MLLT10: variants seen among roughly 807,000 people sequenced by gnomAD.
MLLT10 encodes MLLT10 histone lysine methyltransferase DOT1L cofactor, also known as protein AF-10.
In MLLT10, 30 loss-of-function variants were observed where a neutral mutation model predicts 129.1. The ratio of observed to expected loss-of-function variants is 0.23; its 90% CI spans 0.17 to 0.32. The LOEUF is 0.32. MLLT10 is among the 10% of genes least tolerant of loss of function. The pLI is 1.00. For synonymous variants in MLLT10, 490 were observed against 446.4 expected (o/e 1.10, Z -1.23); for missense variants, 1,119 against 1,268.3 (o/e 0.88, Z 1.79).
chr10:21,624,021 C>G (rs941514459), intron 8 of MLLT10, among the ~76,000 whole-genome samples: 1 of 151,816 alleles, frequency 6.6e-6, no homozygotes. Context: ...TGGCTTTTGA[C>G]GTTTAAGCCA....
At chr10:21,708,617 T>A in intron 13 of MLLT10, 1 of 985,390 alleles carries the variant, frequency 1.0e-6, no homozygotes, top group Non-Finnish European at 1.2e-6. Context: ...TGTTTCAAAG[T>A]GTGATTACTG....
chr10:21,692,649 T>A (rs975423292), intron 13 of MLLT10, among the ~76,000 whole-genome samples: 7 of 151,868 alleles, frequency 4.6e-5, no homozygotes. Flanking sequence ...CCAGTAATTT[T>A]TTTTTTTTTC....
rs541970999 is a variant in MLLT10, at chr10:21,725,789, C to T, written c.1879-455C>T. On this transcript the variant is annotated intron_variant, in intron 14 of 22. Coordinates refer to ENST00000307729, the MANE Select transcript of MLLT10 (RefSeq NM_001195626.3). The stretch of plus-strand genomic sequence containing the variant: ...TTTTTGAGACGGAGTCTCGCTCTGT[C>T]GCCCAGGCTGGAGTGCAGTGGCGTG... Among the ~76,000 whole-genome samples the T allele has an allele frequency of 6.3e-5, 9 of 143,630 alleles. 1 individual carries two copies. The highest frequency in any genetic ancestry group is 1.5e-4 in the African/African-American group (6 of 38,812). The allele number at this position is 143,630 out of a possible 152,430, so 94.2% of individuals were successfully genotyped here. A position where few individuals can be genotyped will look rare whatever the true frequency, so the allele number is the denominator to read the frequency against.
At chr10:21,689,439 A>G (rs2053601926) in intron 13 of MLLT10, among the ~76,000 whole-genome samples, 1 of 150,908 alleles carries the variant, frequency 6.6e-6, no homozygotes, top group Admixed American at 6.6e-5. Context: ...AATATGTAAA[A>G]TTTTGTTATT....
intron 13 of MLLT10, among the ~76,000 whole-genome samples, chr10:21,683,704 T>C (rs2052985732): frequency 6.6e-6 from 1 of 151,936 alleles, no homozygotes; most frequent in Non-Finnish European, 1.5e-5. Flanking sequence ...CACTGCCCCA[T>C]CCCCAACAGT....
chr10:21,723,613 T>G (rs550100396), intron 14 of MLLT10, among the ~76,000 whole-genome samples: 1 of 152,184 alleles, frequency 6.6e-6, no homozygotes, highest in Non-Finnish European at 1.5e-5. Flanking sequence ...CCTCAGTGTC[T>G]TCTTGGAGGA....
chr10:21,597,416 C>T (rs2043124575), intron 5 of MLLT10, among the ~76,000 whole-genome samples: 1 of 152,158 alleles, frequency 6.6e-6, no homozygotes, highest in Non-Finnish European at 1.5e-5. Flanking sequence ...GTCACCCAGG[C>T]TGGAGTGTAG....
chr10:21,742,090 A>C lies in MLLT10; in HGVS notation c.*107A>C. On this transcript the variant is annotated 3_prime_UTR_variant, in exon 23 of 23. Transcript: ENST00000307729. ...TATGAAGAAACGCAACAAGAAACTCAATGCACAACAAAGGATTAATTGCTG... is the reference window on the plus strand; with the variant it reads ...TATGAAGAAACGCAACAAGAAACTCCATGCACAACAAAGGATTAATTGCTG... The C allele has an allele frequency of 4.2e-6, 4 of 946,166 alleles. No homozygotes were observed. The East Asian group carries it at 7.5e-5, about 18-fold the overall frequency. 58.6% of individuals were successfully genotyped at this position (946,166 alleles called of 1,614,324 possible).
At chr10:21,741,254 A>G (rs2058807841) in intron 22 of MLLT10, among the ~76,000 whole-genome samples, 1 of 125,690 alleles carries the variant, frequency 8.0e-6, no homozygotes, top group Admixed American at 8.0e-5. Context: ...TTCTGTATTG[A>G]GTTCTTTGGT....
rs760972499 is a variant in MLLT10, at chr10:21,734,084, T to C, written c.2813T>C (p.Val938Ala). 9.3e-6 allele frequency: 15 copies of C among 1,613,590 alleles called. No individual in the cohort carries two copies. The highest frequency in any genetic ancestry group is 1.3e-5 in the Non-Finnish European group (15 of 1,179,784). ...QNPTPLTHTT[V>A]PPNATHPMPA... ...CCTACCCCTCTCACCCACACAACCG[T>C]ACCACCTAATGCAACACATCCAATG... The change falls in exon 20 of 23, where the codon GTA (valine) becomes GCA (alanine). Residue 938 changes from valine (V) to alanine (A), a missense_variant. By Grantham distance (64) the Val-to-Ala change is moderately conservative (BLOSUM62 0). Around this residue, in one of 5 missense-constraint regions of MLLT10, gnomAD observed 1,004 missense variants for 1,008.7 expected, o/e 1.00. Transcript: ENST00000307729.
intron 14 of MLLT10, among the ~76,000 whole-genome samples, chr10:21,714,456 T>A (rs1399724575): frequency 6.6e-6 from 1 of 152,214 alleles, no homozygotes; most frequent in Non-Finnish European, 1.5e-5. Context: ...TAATGATGAA[T>A]ATATAGGTTT....
At chr10:21,555,916 C>G (rs2037874712) in intron 3 of MLLT10, among the ~76,000 whole-genome samples, 1 of 151,504 alleles carries the variant, frequency 6.6e-6, no homozygotes. Flanking sequence ...ATCCACCTGC[C>G]TCCGTCTCCA....
intron 3 of MLLT10, among the ~76,000 whole-genome samples, chr10:21,570,503 T>G (rs556925910): frequency 5.9e-5 from 9 of 152,230 alleles, no homozygotes; most frequent in Non-Finnish European, 1.3e-4. Context: ...CTATATTATC[T>G]CCTGTTTTGT....
chr10:21,625,860 G>A (rs913697617), intron 8 of MLLT10: 25 of 778,462 alleles, frequency 3.2e-5, no homozygotes, highest in African/African-American at 1.9e-4. Context: ...ATGATAAGAC[G>A]TAGATCCCAA....
intron 8 of MLLT10, chr10:21,624,821 A>G: frequency 9.4e-7 from 1 of 1,065,444 alleles, no homozygotes; most frequent in South Asian, 1.4e-5. Context: ...CACGGGAACC[A>G]CGGCCACGGC....
chr10:21,593,195 A>T (rs182836954), intron 4 of MLLT10, among the ~76,000 whole-genome samples: 84 of 152,062 alleles, frequency 5.5e-4, no homozygotes, highest in Admixed American at 4.8e-3. Flanking sequence ...CTTGGGCTTA[A>T]GCACTCCTCC....
At chr10:21,625,743 A>G (rs2046366967) in intron 8 of MLLT10, 1 of 768,584 alleles carries the variant, frequency 1.3e-6, no homozygotes. Flanking sequence ...CATGTTGTTT[A>G]CCAGGGCGAA....
At chr10:21,584,167 CT>C (rs1307789215) in intron 3 of MLLT10, among the ~76,000 whole-genome samples, 233 of 131,150 alleles carry the variant, frequency 1.8e-3, no homozygotes, top group Non-Finnish European at 2.1e-3. Flanking sequence ...CGCGCCCAGC[CT>C]TTTTTTTTTT....
chr10:21,557,220 TA>T, intron 3 of MLLT10: 1 of 1,175,028 alleles, frequency 8.5e-7, no homozygotes, highest in Non-Finnish European at 1.1e-6. Context: ...CCCTTGTGCT[TA>T]ATGATTGAGT....
Sources: gnomAD v4.1 joint callset for allele counts (sites outside exome capture counted in the v4.1 genomes callset) on GRCh38, gnomAD v4.1.1 for gene constraint, gnomAD v4.1.1 regional missense constraint, MANE v1.5 for transcripts, NCBI Gene and HGNC (gene_info 2026-07-23, HGNC 2026-07-21) for gene names.